The following FZD3 variants were observed in gnomAD, a reference collection of about 807,000 sequenced individuals.
FZD3 encodes the protein frizzled class receptor 3.
In FZD3, 30 loss-of-function variants were observed where a neutral mutation model predicts 60.7. The observed-to-expected ratio is 0.49, with a 90% CI of 0.37 to 0.67. The LOEUF is 0.67. FZD3 is among the 30% of genes least tolerant of loss of function. The pLI is 0.00. For missense variants in FZD3, 605 were observed against 838.7 expected, an observed-to-expected ratio of 0.72 and a Z score of 3.44; for synonymous variants, 246 against 275.2, an observed-to-expected ratio of 0.89 and a Z score of 1.05.
chr8:28,514,667 AC>A (rs1482852345), intron 3 of FZD3, among the ~76,000 whole-genome samples: 9 of 152,096 alleles, frequency 5.9e-5, no homozygotes, highest in Non-Finnish European at 1.3e-4. Context: ...GGTTTCTTTC[AC>A]TCAGTATAAT....
intron 7 of FZD3, 105 bp from the exon 8 acceptor site, chr8:28,562,693 T>C: frequency 2.8e-6 from 2 of 710,854 alleles, no homozygotes; most frequent in South Asian, 3.4e-5. Context: ...TCATGGTTGG[T>C]TTCCTAATAA....
chr8:28,543,318 C>A (rs1338873527), intron 5 of FZD3, among the ~76,000 whole-genome samples: 2 of 151,520 alleles, frequency 1.3e-5, no homozygotes, highest in Non-Finnish European at 2.9e-5. Flanking sequence ...TGAGTATAAG[C>A]CAGTGTGATT....
chr8:28,504,510 G>A (rs1804085653), intron 3 of FZD3, among the ~76,000 whole-genome samples: 1 of 152,128 alleles, frequency 6.6e-6, no homozygotes, highest in African/African-American at 2.4e-5. Context: ...ATAAGAAGCA[G>A]GTCATAAAGA....
Position 28,565,337 on chromosome 8 carries a change from T to C in FZD3, c.*2326T>C, listed in dbSNP as rs1040910334. On this transcript the variant is annotated 3_prime_UTR_variant, in exon 8 of 8. Transcript: ENST00000240093. Reference sequence around the variant, plus strand: ...CTCATAACCGACAATTAGTAAACATTTTCTCTGAAAGCCAAACATATAACA... The same window carrying C: ...CTCATAACCGACAATTAGTAAACATCTTCTCTGAAAGCCAAACATATAACA... 1 of 152,176 alleles carries C rather than the reference T, an allele frequency of 6.6e-6. No individual in the cohort carries two copies. The highest frequency in any genetic ancestry group is 1.5e-5 in the Non-Finnish European group (1 of 68,016). 9.4% of individuals were successfully genotyped at this position (152,176 alleles called of 1,614,324 possible).
chr8:28,505,510 C>T (rs1044109058), intron 3 of FZD3, among the ~76,000 whole-genome samples: 1 of 152,124 alleles, frequency 6.6e-6, no homozygotes, highest in African/African-American at 2.4e-5. Context: ...GCCGCCACCC[C>T]TGGCTAATTT....
intron 5 of FZD3, among the ~76,000 whole-genome samples, chr8:28,540,056 A>G (rs1351038363): frequency 6.6e-6 from 1 of 152,154 alleles, no homozygotes; most frequent in East Asian, 1.9e-4. Context: ...ATTAAATCCA[A>G]GCAGTGTTAG....
chr8:28,547,689 A>T (rs1168127105), intron 5 of FZD3, among the ~76,000 whole-genome samples: 1 of 152,148 alleles, frequency 6.6e-6, no homozygotes, highest in Non-Finnish European at 1.5e-5. Context: ...TCTTCGGGTC[A>T]TGGGCTTTTT....
chr8:28,545,898 A>G (rs1302103393), intron 5 of FZD3, among the ~76,000 whole-genome samples: 1 of 152,230 alleles, frequency 6.6e-6, no homozygotes, highest in Non-Finnish European at 1.5e-5. Flanking sequence ...TAGACCGCAT[A>G]TGCGACTATG....
chr8:28,532,534 C>G lies in FZD3; in HGVS notation c.1404+4370C>G, dbSNP rs187552910. Among the ~76,000 whole-genome samples the G allele has an allele frequency of 1.9e-3, 288 of 151,866 alleles. 2 individuals are homozygous for G. Among genetic ancestry groups the G allele is most frequent in the African/African-American group, 6.7e-3 (276 of 41,414 alleles). On this transcript the variant is annotated intron_variant, in intron 5 of 7. Coordinates refer to ENST00000240093, the MANE Select transcript of FZD3 (RefSeq NM_017412.4). ...CATGAACTCCCAGGCTCGAGTGATC[C>G]TCCTGCCTCATCCCCCCAAGTAGGT...
rs1317934935 is a variant in FZD3, at chr8:28,571,458, A to G, written c.*8447A>G. 1 of 152,174 alleles carries G rather than the reference A, an allele frequency of 6.6e-6. No homozygotes were observed. Among genetic ancestry groups the G allele is most frequent in the Non-Finnish European group, 1.5e-5 (1 of 68,018 alleles). 9.4% of individuals were successfully genotyped at this position (152,174 alleles called of 1,614,324 possible). On this transcript the variant is annotated 3_prime_UTR_variant, in exon 8 of 8. Transcript: ENST00000240093. ...TTTATATGAACTTAAAATTTTTAAAATCATATATGGGACTCCCCAATGTGA... is the reference window on the plus strand; with the variant it reads ...TTTATATGAACTTAAAATTTTTAAAGTCATATATGGGACTCCCCAATGTGA...
chr8:28,495,383 G>T (rs1803817437), intron 1 of FZD3, among the ~76,000 whole-genome samples: 1 of 152,318 alleles, frequency 6.6e-6, no homozygotes, highest in Admixed American at 6.5e-5. Context: ...CCGCATCAGT[G>T]ACTGTTACGG....
In FZD3 at chr8:28,560,652, A is replaced by G. The variant is rs1805597009; in HGVS notation, c.1788-2146A>G. Among the ~76,000 whole-genome samples the G allele has an allele frequency of 3.9e-5, 6 of 152,194 alleles. No individual in the cohort carries two copies. The South Asian group carries it at 1.2e-3, about 32-fold the overall frequency. ...TAAAAGATAACTTTATATCATTACTAGAAAACCGCATCATATTTTGCTCTT... is the reference window on the plus strand; with the variant it reads ...TAAAAGATAACTTTATATCATTACTGGAAAACCGCATCATATTTTGCTCTT... On this transcript the variant is annotated intron_variant, in intron 7 of 7. Coordinates refer to ENST00000240093, the MANE Select transcript of FZD3 (RefSeq NM_017412.4).
At chr8:28,496,616 A>G (rs1803851328) in intron 1 of FZD3, among the ~76,000 whole-genome samples, 1 of 152,188 alleles carries the variant, frequency 6.6e-6, no homozygotes, top group South Asian at 2.1e-4. Flanking sequence ...GATTTTCAGT[A>G]GTGATATTTC....
rs139570173 is a variant in FZD3 at position 28,551,739 on chromosome 8, G to A, written c.1541G>A (p.Arg514His). 79 of 1,601,322 alleles carry A rather than the reference G, an allele frequency of 4.9e-5. No homozygotes were observed. Among genetic ancestry groups the A allele is most frequent in the African/African-American group, 4.7e-4 (35 of 73,836 alleles). The change falls in exon 6 of 8, where the codon CGT becomes CAT. Residue 514 changes from arginine to histidine, a missense_variant. Physicochemically the swap from Arg to His is conservative, Grantham distance 29. Transcript: ENST00000240093. ...CFEWASFFHG[R>H]RKKEIVNESR... ...GAATGGGCCAGTTTTTTTCATGGTC[G>A]TAGGAAAAAAGAGTAAGTTGAAATA...
At chr8:28,538,949 A>G (rs1215834104) in intron 5 of FZD3, among the ~76,000 whole-genome samples, 2 of 151,954 alleles carry the variant, frequency 1.3e-5, no homozygotes, top group African/African-American at 4.8e-5. Flanking sequence ...TTCATAGCCT[A>G]GTAAGAGAAA....
At chr8:28,529,317 G>T (rs568364316) in intron 5 of FZD3, among the ~76,000 whole-genome samples, 129 of 152,148 alleles carry the variant, frequency 8.5e-4, no homozygotes, top group African/African-American at 3.0e-3. Flanking sequence ...AAGTGCACCA[G>T]CCACCTTTCC....
chr8:28,531,687 A>G (rs1445148562), intron 5 of FZD3, among the ~76,000 whole-genome samples: 1 of 152,016 alleles, frequency 6.6e-6, no homozygotes, highest in Non-Finnish European at 1.5e-5. Context: ...TCCTTATTAT[A>G]CGTAAGGTTG....
chr8:28,557,416 T>G (rs760117621), intron 7 of FZD3, among the ~76,000 whole-genome samples: 29 of 152,178 alleles, frequency 1.9e-4, no homozygotes, highest in Admixed American at 3.3e-4. Context: ...GCTGTTTCTA[T>G]CCTGTCAGTC....
At chr8:28,501,665 C>A (rs1803997855) in intron 2 of FZD3, among the ~76,000 whole-genome samples, 1 of 152,162 alleles carries the variant, frequency 6.6e-6, no homozygotes, top group African/African-American at 2.4e-5. Flanking sequence ...CCACCCACAC[C>A]CTCTCAGCTG....
Sources: gnomAD v4.1 joint callset for allele counts (sites outside exome capture counted in the v4.1 genomes callset) on GRCh38, gnomAD v4.1.1 for gene constraint, MANE v1.5 for transcripts, NCBI Gene and HGNC (gene_info 2026-07-23, HGNC 2026-07-21) for gene names.